NR3C2: variants seen among roughly 807,000 people sequenced by gnomAD.
NR3C2 encodes the protein nuclear receptor subfamily 3 group C member 2, also known as mineralocorticoid receptor.
Under a neutral mutation model 86.4 loss-of-function variants are expected in NR3C2, and 15 were observed. That is an observed-to-expected ratio of 0.17 (90% CI 0.12 to 0.27). The LOEUF (loss-of-function observed/expected upper bound fraction) is 0.27, where lower values mean the gene tolerates loss of function less well. NR3C2 is among the 10% of genes least tolerant of loss of function. NR3C2 has a pLI of 1.00. For missense variants in NR3C2, 960 were observed against 1,195.6 expected (o/e 0.80, Z 2.91); for synonymous variants, 458 against 450.5 (o/e 1.02, Z -0.21).
At chr4:148,272,716 T>C (rs928135172) in intron 2 of NR3C2, among the ~76,000 whole-genome samples, 4 of 152,190 alleles carry the variant, frequency 2.6e-5, no homozygotes, top group African/African-American at 9.6e-5. Context: ...GGATGTTTTT[T>C]TCAGAAGTTT....
At chr4:148,410,202 A>C (rs1748627128) in intron 2 of NR3C2, among the ~76,000 whole-genome samples, 3 of 152,230 alleles carry the variant, frequency 2.0e-5, no homozygotes, top group Admixed American at 2.0e-4. Context: ...ATTGTTATGA[A>C]ATGTAAGTTG....
At chr4:148,342,991 C>A (rs1744821854) in intron 2 of NR3C2, among the ~76,000 whole-genome samples, 1 of 152,084 alleles carries the variant, frequency 6.6e-6, no homozygotes, top group Non-Finnish European at 1.5e-5. Context: ...AGATTTTTAG[C>A]CCAATCCCGG....
At chr4:148,323,682 G>C (rs1367966362) in intron 2 of NR3C2, among the ~76,000 whole-genome samples, 1 of 152,054 alleles carries the variant, frequency 6.6e-6, no homozygotes, top group Non-Finnish European at 1.5e-5. Context: ...CTCGGAAAGG[G>C]AACTCCCTGA....
chr4:148,279,632 C>T lies in NR3C2; in HGVS notation c.1758-19515G>A, dbSNP rs529734939. 7.2e-5 allele frequency among the ~76,000 whole-genome samples: 11 copies of T among 152,336 alleles called. No individual in the cohort carries two copies. In the South Asian group the frequency reaches 2.3e-3, roughly 32 times the overall value. The stretch of plus-strand genomic sequence containing the variant: ...AATTTGAATATAAACATAAAATGCA[C>T]TTATTATCCTTGAGGTAGGATGAAG... On this transcript the variant is annotated intron_variant, in intron 2 of 8. Transcript: ENST00000358102.
At chr4:148,272,424 G>A (rs1740733474) in intron 2 of NR3C2, among the ~76,000 whole-genome samples, 1 of 152,176 alleles carries the variant, frequency 6.6e-6, no homozygotes, top group African/African-American at 2.4e-5. Context: ...AGTACTGAGT[G>A]AGGATTGAAT....
At chr4:148,430,669 A>G (rs1749758619) in intron 2 of NR3C2, among the ~76,000 whole-genome samples, 1 of 152,082 alleles carries the variant, frequency 6.6e-6, no homozygotes, top group Admixed American at 6.6e-5. Context: ...AGTAAGCACC[A>G]ATACACTCTC....
At position 148,114,282 on chromosome 4, in the gene NR3C2, A is replaced by G. The variant is rs372694455; in HGVS notation, c.2642-21T>C. On this transcript the variant is annotated intron_variant, in intron 7 of 8. Transcript: ENST00000358102. The stretch of plus-strand genomic sequence containing the variant: ...TGGAACTGTGTTAAGGAAAACAGAC[A>G]TGTAAATTTCCAGGATGGAAAACAA... 21 of 1,613,140 alleles carry G rather than the reference A, an allele frequency of 1.3e-5. No individual in the cohort carries two copies. The African/African-American group carries it at 1.9e-4, about 14-fold the overall frequency.
intron 2 of NR3C2, among the ~76,000 whole-genome samples, chr4:148,385,215 T>C (rs1201487147): frequency 2.6e-5 from 4 of 152,344 alleles, no homozygotes; most frequent in African/African-American, 7.2e-5. Context: ...AACAGACTTA[T>C]CACATCACCA....
At chr4:148,241,189 C>G (rs1739015931) in intron 3 of NR3C2, among the ~76,000 whole-genome samples, 1 of 150,312 alleles carries the variant, frequency 6.7e-6, no homozygotes, top group Non-Finnish European at 1.5e-5. Flanking sequence ...ACCTGTAGTC[C>G]CAGCAACTCA....
intron 2 of NR3C2, among the ~76,000 whole-genome samples, chr4:148,382,096 C>A (rs57419274): frequency 0.1 from 15,800 of 152,106 alleles, 980 homozygotes; most frequent in Middle Eastern, 0.3. Context: ...AGAATCAAGC[C>A]CGACCCTCAG....
At chr4:148,230,817 A>C (rs1401975165) in intron 3 of NR3C2, among the ~76,000 whole-genome samples, 1 of 152,244 alleles carries the variant, frequency 6.6e-6, no homozygotes, top group African/African-American at 2.4e-5. Flanking sequence ...TTTATGTTTT[A>C]AAGTCTTAGT....
At chr4:148,276,427 A>G (rs1740964937) in intron 2 of NR3C2, among the ~76,000 whole-genome samples, 1 of 152,190 alleles carries the variant, frequency 6.6e-6, no homozygotes, top group Admixed American at 6.6e-5. Context: ...TGAAAGACCA[A>G]AGGTAGGAGA....
chr4:148,397,503 C>CA (rs1747921257), intron 2 of NR3C2, among the ~76,000 whole-genome samples: 1 of 152,180 alleles, frequency 6.6e-6, no homozygotes, highest in Non-Finnish European at 1.5e-5. Context: ...GGAATCCTGC[C>CA]AAAATGTATT....
At chr4:148,260,263 T>C in intron 2 of NR3C2, 146 bp from the exon 3 acceptor site, 11 of 1,030,672 alleles carry the variant, frequency 1.1e-5, no homozygotes, top group Non-Finnish European at 1.6e-5. Flanking sequence ...CTTAGCAAAA[T>C]AAAGGTAAAA....
intron 2 of NR3C2, among the ~76,000 whole-genome samples, chr4:148,281,650 G>A (rs570447448): frequency 6.6e-6 from 1 of 152,282 alleles, no homozygotes; most frequent in East Asian, 1.9e-4. Flanking sequence ...GCCTCATGAG[G>A]AGATCTAGCT....
intron 8 of NR3C2, among the ~76,000 whole-genome samples, chr4:148,085,667 G>T (rs1730779863): frequency 6.6e-6 from 1 of 151,978 alleles, no homozygotes; most frequent in African/African-American, 2.4e-5. Flanking sequence ...ATAGGGACAT[G>T]AAAAATCCTT....
chr4:148,262,779 A>G (rs1269110099), intron 2 of NR3C2, among the ~76,000 whole-genome samples: 1 of 152,150 alleles, frequency 6.6e-6, no homozygotes, highest in Admixed American at 6.5e-5. Context: ...CCATGTTTAG[A>G]TTAAGGCAGG....
chr4:148,179,925 C>T (rs2149790682), intron 4 of NR3C2, among the ~76,000 whole-genome samples: 1 of 151,778 alleles, frequency 6.6e-6, no homozygotes, highest in African/African-American at 2.4e-5. Context: ...TTTATTCTTT[C>T]CCAACTTTAC....
chr4:148,346,137 C>T (rs957632125), intron 2 of NR3C2, among the ~76,000 whole-genome samples: 1 of 151,948 alleles, frequency 6.6e-6, no homozygotes, highest in African/African-American at 2.4e-5. Flanking sequence ...GGGAAATGAC[C>T]CTTGATGGAT....
Sources: allele counts gnomAD v4.1 joint callset (sites outside exome capture counted in the v4.1 genomes callset), GRCh38; gene constraint gnomAD v4.1.1; transcripts MANE v1.5; gene names NCBI Gene and HGNC (gene_info 2026-07-23, HGNC 2026-07-21).